The following DNAH7 variants were observed in gnomAD, a reference collection of about 807,000 sequenced individuals.
DNAH7 encodes dynein axonemal heavy chain 7, also known as axonemal beta dynein heavy chain 7.
A neutral mutation model predicts 444.6 loss-of-function variants in DNAH7; 397 were observed. That is an observed-to-expected ratio of 0.89 (90% CI 0.82 to 0.97). The LOEUF is 0.97. Ranked by LOEUF, DNAH7 falls within the 50% of genes least tolerant of loss-of-function variation. The pLI, the probability that DNAH7 is intolerant of heterozygous loss-of-function variation, is 0.00. For missense variants in DNAH7, 4,902 were observed against 4,800.8 expected, an observed-to-expected ratio of 1.02 and a Z score of -0.62; for synonymous variants, 1,636 against 1,624.4, an observed-to-expected ratio of 1.01 and a Z score of -0.17.
chr2:195,811,067 CATATA>C (rs565076903), intron 51 of DNAH7, among the ~76,000 whole-genome samples: 13 of 152,218 alleles, frequency 8.5e-5, no homozygotes, highest in South Asian at 2.1e-4. Flanking sequence ...TAAAAATGGA[CATATA>C]ATATGATATG....
chr2:195,808,726 ACT>A lies in DNAH7; in HGVS notation c.10037_10038del (p.Glu3346ValfsTer13). On this transcript the variant is annotated frameshift_variant, in exon 53 of 65. Coordinates refer to ENST00000312428, the MANE Select transcript of DNAH7 (RefSeq NM_018897.3). LOFTEE classifies it high-confidence loss of function. The part of the protein sequence containing the change: ...DLPAFKTIRR[E>X]FMRLKDGWKK... ...TTCCATCCATCCTTTAAGCGCATAAACTCTCTACGAATGGTTTTGAAGGCAGG... is the reference window on the plus strand; with the variant it reads ...TTCCATCCATCCTTTAAGCGCATAAACTCTACGAATGGTTTTGAAGGCAGG... The A allele has an allele frequency of 1.9e-6, 3 of 1,613,852 alleles. No individual in the cohort carries two copies. The highest frequency in any genetic ancestry group is 2.5e-6 in the Non-Finnish European group (3 of 1,179,920).
chr2:195,874,055 T>C (rs1443585627), intron 38 of DNAH7, among the ~76,000 whole-genome samples: 1 of 146,778 alleles, frequency 6.8e-6, no homozygotes, highest in Non-Finnish European at 1.5e-5. Flanking sequence ...AATGTAATAT[T>C]ATACAATATT....
intron 31 of DNAH7, among the ~76,000 whole-genome samples, chr2:195,891,316 G>C (rs1169820901): frequency 3.9e-5 from 6 of 152,182 alleles, no homozygotes; most frequent in Non-Finnish European, 1.5e-5. Context: ...GGTGGAGGAA[G>C]AACATTACTG....
chr2:195,782,533 C>A (rs977381053), intron 58 of DNAH7, among the ~76,000 whole-genome samples: 3 of 152,132 alleles, frequency 2.0e-5, no homozygotes, highest in African/African-American at 7.2e-5. Flanking sequence ...ATTTAAATAT[C>A]ATATTCTTTC....
chr2:195,862,470 T>A (rs1350283835), intron 41 of DNAH7, among the ~76,000 whole-genome samples: 1 of 152,158 alleles, frequency 6.6e-6, no homozygotes, highest in African/African-American at 2.4e-5. Context: ...TTTCAAAATA[T>A]AAATCAGCTC....
rs117447065 is a variant in DNAH7, at chr2:195,871,410, C to T, written c.6633+840G>A. Among the ~76,000 whole-genome samples, 54 of 152,178 alleles carry T rather than the reference C, an allele frequency of 3.5e-4. 1 individual carries two copies. In the East Asian group the frequency reaches 8.7e-3, roughly 25 times the overall value. On this transcript the variant is annotated intron_variant, in intron 40 of 64. Transcript: ENST00000312428. ...AACTCCTAACTTCAAGCAATTCTCCCGCCTCAGCCTCCTGAAGTGCTGGGA... is the reference window on the plus strand; with the variant it reads ...AACTCCTAACTTCAAGCAATTCTCCTGCCTCAGCCTCCTGAAGTGCTGGGA...
At chr2:195,808,645 T>G (rs1365436580) in intron 53 of DNAH7, 37 bp downstream of exon 53, 1 of 1,598,534 alleles carries the variant, frequency 6.3e-7, no homozygotes, top group Non-Finnish European at 8.5e-7. Flanking sequence ...TTTCTCCATT[T>G]AAAAACATTG....
At chr2:195,990,584 A>T (rs1693231007) in intron 12 of DNAH7, among the ~76,000 whole-genome samples, 1 of 152,004 alleles carries the variant, frequency 6.6e-6, no homozygotes, top group South Asian at 2.1e-4. Flanking sequence ...ACCTGAGCCC[A>T]GGAGGTCAAG....
At chr2:195,798,688 C>T (rs898993176) in intron 55 of DNAH7, among the ~76,000 whole-genome samples, 5 of 151,718 alleles carry the variant, frequency 3.3e-5, no homozygotes, top group East Asian at 3.9e-4. Flanking sequence ...GGACTACAGG[C>T]GTCTGCAACC....
At chr2:195,875,913 T>C (rs1422361263) in intron 37 of DNAH7, 70 bp from the exon 38 acceptor site, 4 of 1,410,768 alleles carry the variant, frequency 2.8e-6, no homozygotes, top group African/African-American at 2.9e-5. Flanking sequence ...GTGTAAACAA[T>C]ATTGAGGCAA....
chr2:195,786,569 A>ATT (rs11397952), intron 58 of DNAH7, among the ~76,000 whole-genome samples: 13,805 of 145,110 alleles, frequency 0.095, 700 homozygotes, highest in African/African-American at 0.14. Context: ...GCTTAAATAG[A>ATT]TTTTTTTTTT....
At chr2:195,753,287 G>A (rs1284670309) in intron 63 of DNAH7, among the ~76,000 whole-genome samples, 1 of 152,040 alleles carries the variant, frequency 6.6e-6, no homozygotes, top group Admixed American at 6.6e-5. Flanking sequence ...GGGCATAAGT[G>A]GTTGTTTTGA....
chr2:195,906,410 A>AACACACACACACACACACAC (rs150739355), intron 27 of DNAH7, among the ~76,000 whole-genome samples: 1 of 139,780 alleles, frequency 7.2e-6, no homozygotes, highest in African/African-American at 2.8e-5. Context: ...TACACACAGA[A>AACACACACACACACACACAC]ACACACACAC....
intron 10 of DNAH7, among the ~76,000 whole-genome samples, chr2:196,007,679 G>A (rs1469090852): frequency 2.6e-5 from 4 of 152,104 alleles, no homozygotes; most frequent in African/African-American, 4.8e-5. Flanking sequence ...TAAGTCTCAC[G>A]AGATTTGTTG....
chr2:195,958,399 G>T (rs994846251), intron 18 of DNAH7, among the ~76,000 whole-genome samples: 1 of 152,124 alleles, frequency 6.6e-6, no homozygotes, highest in Middle Eastern at 3.2e-3. Flanking sequence ...AACATTCAAA[G>T]TATGTGTTAT....
At chr2:196,051,080 A>G in intron 3 of DNAH7, 107 bp downstream of exon 3, 2 of 987,062 alleles carry the variant, frequency 2.0e-6, no homozygotes, top group South Asian at 2.8e-5. Flanking sequence ...CTCCATCAGA[A>G]AAGAATCAAA....
intron 5 of DNAH7, among the ~76,000 whole-genome samples, chr2:196,033,945 T>C (rs1215354824): frequency 6.6e-6 from 1 of 152,204 alleles, no homozygotes; most frequent in Non-Finnish European, 1.5e-5. Flanking sequence ...CAAAGTGTCT[T>C]AAAAACCTAC....
At chr2:195,964,205 G>A (rs950100928) in intron 17 of DNAH7, among the ~76,000 whole-genome samples, 3 of 152,254 alleles carry the variant, frequency 2.0e-5, no homozygotes, top group Middle Eastern at 3.4e-3. Context: ...TTTTGATAGG[G>A]ATTACACTGA....
At chr2:195,934,185 T>C (rs1356987839) in intron 21 of DNAH7, among the ~76,000 whole-genome samples, 3 of 152,224 alleles carry the variant, frequency 2.0e-5, no homozygotes, top group Non-Finnish European at 4.4e-5. Context: ...ACATTTTGTA[T>C]GCATTTCATA....
Sources: gnomAD v4.1 joint callset for allele counts (sites outside exome capture counted in the v4.1 genomes callset) on GRCh38, gnomAD v4.1.1 for gene constraint, MANE v1.5 for transcripts, NCBI Gene and HGNC (gene_info 2026-07-23, HGNC 2026-07-21) for gene names.